The following CCDC62 variants were observed in gnomAD, a reference collection of about 807,000 sequenced individuals.
The protein encoded by CCDC62 is coiled-coil domain containing 62, also known as coiled-coil domain-containing protein 62.
Under a neutral mutation model 80.8 loss-of-function variants are expected in CCDC62, and 72 were observed. The observed-to-expected ratio is 0.89, with a 90% CI of 0.74 to 1.08. CCDC62 has a LOEUF of 1.08. Ranked by LOEUF, CCDC62 falls within the 50% of genes least tolerant of loss-of-function variation. CCDC62 has a pLI of 0.00. For missense variants in CCDC62, 704 were observed against 809.4 expected (o/e 0.87, Z 1.58); for synonymous variants, 286 against 296.5 (o/e 0.96, Z 0.36).
intron 9 of CCDC62, among the ~76,000 whole-genome samples, chr12:122,804,652 T>C (rs1478844646): frequency 6.6e-6 from 1 of 151,882 alleles, no homozygotes; most frequent in Non-Finnish European, 1.5e-5. Context: ...AATAAAGCCA[T>C]TAACAAAAAT....
At chr12:122,825,035 G>A (rs1339227757) in intron 12 of CCDC62, among the ~76,000 whole-genome samples, 2 of 150,126 alleles carry the variant, frequency 1.3e-5, no homozygotes, top group Admixed American at 6.7e-5. Flanking sequence ...GCAGTGAGCC[G>A]AGATCGTGCC....
chr12:122,823,460 G>A lies in CCDC62; in HGVS notation c.*40+1G>A, dbSNP rs763711364. On this transcript the variant is annotated splice_donor_variant, in intron 12 of 12. Transcript: ENST00000253079. LOFTEE classifies it low-confidence loss of function (3UTR_SPLICE). ...ACTTCAGTATTCATCGTGATCACGA[G>A]TAAGTCACCTTTGCTTATCTCACCT... 19 of 1,404,636 alleles carry A rather than the reference G, an allele frequency of 1.4e-5. No individual in the cohort carries two copies. Among genetic ancestry groups the A allele is most frequent in the Non-Finnish European group, 1.9e-5 (19 of 990,986 alleles). The allele number at this position is 1,404,636 out of a possible 1,614,324, so 87.0% of individuals were successfully genotyped here.
intron 3 of CCDC62, among the ~76,000 whole-genome samples, chr12:122,785,416 A>G (rs1294958618): frequency 1.3e-5 from 2 of 152,182 alleles, no homozygotes; most frequent in African/African-American, 4.8e-5. Context: ...GATACTAGGA[A>G]ATAGACATGT....
intron 9 of CCDC62, among the ~76,000 whole-genome samples, chr12:122,805,016 C>T (rs1355506830): frequency 6.6e-6 from 1 of 151,370 alleles, no homozygotes; most frequent in African/African-American, 2.4e-5. Context: ...TCCAGAGTAG[C>T]TGAGATTACA....
At chr12:122,806,856 AAG>A (rs1593816850) in intron 10 of CCDC62, among the ~76,000 whole-genome samples, 2 of 151,264 alleles carry the variant, frequency 1.3e-5, no homozygotes, top group East Asian at 3.8e-4. Context: ...TAAAAAAAAA[AAG>A]AAAGAAAAAA....
At chr12:122,775,304 G>A (rs1217327299) in intron 1 of CCDC62, among the ~76,000 whole-genome samples, 1 of 152,130 alleles carries the variant, frequency 6.6e-6, no homozygotes, top group Non-Finnish European at 1.5e-5. Context: ...AACCTGGCGA[G>A]TAGAGGAAGG....
intron 11 of CCDC62, among the ~76,000 whole-genome samples, chr12:122,813,698 C>T (rs770503736): frequency 6.6e-6 from 1 of 152,076 alleles, no homozygotes; most frequent in Non-Finnish European, 1.5e-5. Flanking sequence ...CTCTTGTCGC[C>T]CAGGCTGAGG....
rs1359729284 is a variant in CCDC62, at chr12:122,777,668, T to A, written c.214T>A (p.Cys72Ser). ...RQKVLTLEER[C>S]SKLEGELHKR... ...GAAAGTGTTGACACTGGAAGAACGT[T>A]GCAGCAAATTAGAAGGTCAGAAATA... Residue 72 changes from cysteine (C) to serine (S), a missense_variant, in exon 2 of 13, where the codon TGC (cysteine) becomes AGC (serine). Transcript: ENST00000253079. The A allele has an allele frequency of 6.2e-7, 1 of 1,614,006 alleles. No individual in the cohort carries two copies. Among genetic ancestry groups the A allele is most frequent in the Admixed American group, 1.7e-5 (1 of 60,012 alleles).
intron 6 of CCDC62, among the ~76,000 whole-genome samples, chr12:122,794,633 T>C (rs2030824777): frequency 6.6e-6 from 1 of 152,148 alleles, no homozygotes. Context: ...GTTTCAATTA[T>C]AAAAGTGAAC....
intron 9 of CCDC62, among the ~76,000 whole-genome samples, chr12:122,805,509 C>CTTTT (rs34211739): frequency 1.6e-3 from 78 of 49,488 alleles, no homozygotes; most frequent in East Asian, 3.7e-3. Context: ...ACACCCAGCT[C>CTTTT]TTTTTTTTTT....
At position 122,814,893 on chromosome 12, in the gene CCDC62, G is replaced by A. The variant is rs371819003; in HGVS notation, c.2001+1474G>A. On this transcript the variant is annotated intron_variant, in intron 11 of 12. Transcript: ENST00000253079. ...TGGAGTGCAGTAGCTATTCGCAGGCGTGATCACAGCTCACTGCAGCCTCAA... is the reference window on the plus strand; with the variant it reads ...TGGAGTGCAGTAGCTATTCGCAGGCATGATCACAGCTCACTGCAGCCTCAA... Among the ~76,000 whole-genome samples, 84 of 151,548 alleles carry A rather than the reference G, an allele frequency of 5.5e-4. 2 individuals carry two copies. The South Asian group carries it at 0.015, about 28-fold the overall frequency.
chr12:122,786,399 C>T lies in CCDC62; in HGVS notation c.498+579C>T, dbSNP rs1236105632. Among the ~76,000 whole-genome samples the T allele has an allele frequency of 2.6e-5, 4 of 151,786 alleles. No individual in the cohort carries two copies. The South Asian group carries it at 6.2e-4, about 24-fold the overall frequency. Reference sequence around the variant, plus strand: ...TCCTGACCTCGTGATCCGCCCGCCTCGGCCTCCCAAAGTGCTGGGATTACA... The same window carrying T: ...TCCTGACCTCGTGATCCGCCCGCCTTGGCCTCCCAAAGTGCTGGGATTACA... On this transcript the variant is annotated intron_variant, in intron 4 of 12. Transcript: ENST00000253079.
At chr12:122,786,450 A>G (rs1192793011) in intron 4 of CCDC62, among the ~76,000 whole-genome samples, 1 of 151,410 alleles carries the variant, frequency 6.6e-6, no homozygotes, top group Admixed American at 6.6e-5. Context: ...GCTCAGCCAG[A>G]GGTTTTTTTA....
chr12:122,804,285 G>A (rs796323149), intron 9 of CCDC62, among the ~76,000 whole-genome samples: 5 of 152,090 alleles, frequency 3.3e-5, no homozygotes, highest in Admixed American at 6.5e-5. Context: ...TCAGGAGGTC[G>A]AGACCGACCT....
At chr12:122,795,516 T>C (rs1015516253) in intron 6 of CCDC62, among the ~76,000 whole-genome samples, 15 of 152,162 alleles carry the variant, frequency 9.9e-5, no homozygotes, top group East Asian at 3.9e-4. Context: ...CTCAGCCTCC[T>C]GGGTTCATGC....
intron 3 of CCDC62, among the ~76,000 whole-genome samples, chr12:122,784,074 T>A (rs944388440): frequency 6.6e-6 from 1 of 152,194 alleles, no homozygotes; most frequent in African/African-American, 2.4e-5. Flanking sequence ...CCCTCACCCC[T>A]GGTCACACGA....
intron 1 of CCDC62, among the ~76,000 whole-genome samples, chr12:122,775,213 G>A (rs984588545): frequency 1.3e-5 from 2 of 151,884 alleles, no homozygotes; most frequent in African/African-American, 4.8e-5. Flanking sequence ...GCGCGTACCC[G>A]GTGCTTACTG....
Position 122,806,180 on chromosome 12 carries a change from C to G in CCDC62, c.1736C>G (p.Ser579Cys), listed in dbSNP as rs1183107572. ...CTAATTGCCATCCAAGATTCCCACT[C>G]TTTGGGTTCTTCAAAATCTGCCTTG... Reference protein sequence around the residue: ...SELIAIQDSHSLGSSKSALRE... With the variant: ...SELIAIQDSHCLGSSKSALRE... Residue 579 changes from serine to cysteine, a missense_variant, in exon 10 of 13, where the codon TCT (serine) becomes TGT (cysteine). Coordinates refer to ENST00000253079, the MANE Select transcript of CCDC62 (RefSeq NM_201435.5). 6.2e-7 allele frequency: 1 copy of G among 1,613,688 alleles called. No individual in the cohort carries two copies. The highest frequency in any genetic ancestry group is 1.1e-5 in the South Asian group (1 of 91,032).
intron 12 of CCDC62, 90 bp downstream of exon 12, chr12:122,823,549 C>T: frequency 1.4e-6 from 1 of 692,160 alleles, no homozygotes. Flanking sequence ...CAAGGCCATG[C>T]ATTTGTTTGA....
Sources: allele counts gnomAD v4.1 joint callset (sites outside exome capture counted in the v4.1 genomes callset), GRCh38; gene constraint gnomAD v4.1.1; transcripts MANE v1.5; gene names NCBI Gene and HGNC (gene_info 2026-07-23, HGNC 2026-07-21).